AKNAD1: variants seen among roughly 807,000 people sequenced by gnomAD.
AKNAD1 encodes protein AKNAD1.
Under a neutral mutation model 90.8 loss-of-function variants are expected in AKNAD1, and 67 were observed. The observed-to-expected ratio is 0.74, with a 90% CI of 0.61 to 0.90. AKNAD1 has a LOEUF of 0.90. AKNAD1 is among the 40% of genes least tolerant of loss of function. The probability of loss-of-function intolerance (pLI) is 0.00; values close to 1 mark genes in which losing one functional copy is unlikely to be tolerated. For missense variants in AKNAD1, 957 were observed against 975.4 expected, an observed-to-expected ratio of 0.98 and a Z score of 0.25; for synonymous variants, 327 against 341.4, an observed-to-expected ratio of 0.96 and a Z score of 0.46.
chr1:108,848,240 G>T (rs1456471692), intron 5 of AKNAD1, among the ~76,000 whole-genome samples: 2 of 152,130 alleles, frequency 1.3e-5, no homozygotes, highest in African/African-American at 4.8e-5. Context: ...CATGATCCTG[G>T]CACTGACAAC....
At chr1:108,847,535 T>C (rs1481213010) in intron 5 of AKNAD1, among the ~76,000 whole-genome samples, 1 of 149,476 alleles carries the variant, frequency 6.7e-6, no homozygotes, top group African/African-American at 2.5e-5. Flanking sequence ...GAAGTACCCC[T>C]GTCCACCTCC....
At chr1:108,856,804 G>T (rs1202695884) in intron 1 of AKNAD1, 125 bp downstream of exon 1, 1 of 152,110 alleles carries the variant, frequency 6.6e-6, no homozygotes, top group Non-Finnish European at 1.5e-5. Context: ...ATACCATTAA[G>T]ATAAACCAGA....
In AKNAD1 at chr1:108,844,964, G is replaced by T. The variant is rs149208941; in HGVS notation, c.1246-1697C>A. ...CTTCCAAGTAGCTGAGATTACAGGT[G>T]TGCACCACCATGCCTGGCTAATTTT... On this transcript the variant is annotated intron_variant, in intron 5 of 15. Coordinates refer to ENST00000370001, the MANE Select transcript of AKNAD1 (RefSeq NM_152763.5). 4.0e-3 allele frequency among the ~76,000 whole-genome samples: 602 copies of T among 152,086 alleles called. 1 individual carries two copies. Among genetic ancestry groups the T allele is most frequent in the African/African-American group, 0.013 (552 of 41,472 alleles).
intron 7 of AKNAD1, among the ~76,000 whole-genome samples, chr1:108,835,816 G>C (rs1279743688): frequency 6.6e-6 from 1 of 151,876 alleles, no homozygotes; most frequent in Non-Finnish European, 1.5e-5. Flanking sequence ...AGTAGAAACG[G>C]GGTTTCACCA....
intron 2 of AKNAD1, among the ~76,000 whole-genome samples, chr1:108,850,409 G>A (rs1024581079): frequency 6.6e-6 from 1 of 152,098 alleles, no homozygotes; most frequent in Non-Finnish European, 1.5e-5. Flanking sequence ...TAACCACGGG[G>A]CACTGAGAAC....
At chr1:108,832,953 T>C (rs2101183274) in intron 9 of AKNAD1, among the ~76,000 whole-genome samples, 1 of 152,296 alleles carries the variant, frequency 6.6e-6, no homozygotes, top group South Asian at 2.1e-4. Context: ...ATTTGAACCA[T>C]TAACTGCAAT....
rs144674627 is a variant in AKNAD1 at position 108,823,510 on chromosome 1, G to A, written c.2060-33C>T. 1.6e-4 allele frequency: 253 copies of A among 1,610,146 alleles called. 1 individual carries two copies. The African/African-American group carries it at 3.0e-3, about 19-fold the overall frequency. On this transcript the variant is annotated intron_variant, in intron 12 of 15. Transcript: ENST00000370001. ...GAAAAGATTAAAAATACAGTTAATT[G>A]CCTGGGAACAGTGACTGTCCCCACT...
intron 13 of AKNAD1, 63 bp downstream of exon 13, chr1:108,823,307 A>C: frequency 7.7e-7 from 1 of 1,291,364 alleles, no homozygotes; most frequent in East Asian, 2.3e-5. Context: ...TGTCATGTGA[A>C]TGTCCCATAC....
At chr1:108,847,638 C>A (rs1401864536) in intron 5 of AKNAD1, among the ~76,000 whole-genome samples, 4 of 151,898 alleles carry the variant, frequency 2.6e-5, no homozygotes, top group Non-Finnish European at 5.9e-5. Flanking sequence ...GGCAGCACTT[C>A]CTCACCCCTG....
chr1:108,848,624 G>T, intron 5 of AKNAD1, 128 bp downstream of exon 5: 1 of 806,834 alleles, frequency 1.2e-6, no homozygotes. Context: ...AAACAAAGAT[G>T]GTTTAATCTT....
intron 11 of AKNAD1, 124 bp from the exon 12 acceptor site, chr1:108,823,812 C>T (rs1005224808): frequency 1.1e-4 from 164 of 1,454,512 alleles, no homozygotes; most frequent in Non-Finnish European, 1.5e-4. Flanking sequence ...CTTAATGTCC[C>T]GGCTGTGTCA....
intron 5 of AKNAD1, among the ~76,000 whole-genome samples, chr1:108,847,115 GC>G (rs1201960649): frequency 6.6e-6 from 1 of 152,036 alleles, no homozygotes; most frequent in Admixed American, 6.6e-5. Context: ...TGTGCCTTCA[GC>G]CTTGCCCCCA....
At chr1:108,832,389 A>G (rs188973189) in intron 9 of AKNAD1, among the ~76,000 whole-genome samples, 4 of 151,894 alleles carry the variant, frequency 2.6e-5, no homozygotes, top group Admixed American at 1.3e-4. Flanking sequence ...CCACCCAGCT[A>G]ATTTTGGTAT....
At chr1:108,853,659 C>T (rs1570833596) in intron 1 of AKNAD1, among the ~76,000 whole-genome samples, 1 of 151,888 alleles carries the variant, frequency 6.6e-6, no homozygotes, top group South Asian at 2.1e-4. Context: ...AGGGGCCGGG[C>T]ACGGTGCCTC....
rs555872248 is a variant in AKNAD1, at chr1:108,816,002, C to G, written c.*169G>C. On this transcript the variant is annotated 3_prime_UTR_variant, in exon 16 of 16. Coordinates refer to ENST00000370001, the MANE Select transcript of AKNAD1 (RefSeq NM_152763.5). ...TGATTTTAAGAATCAGAAGTCCTTT[C>G]TTTTTTCTTTTTCCTTTAAGTACTT... 3 of 521,370 alleles carry G rather than the reference C, an allele frequency of 5.8e-6. No individual in the cohort carries two copies. The African/African-American group carries it at 5.9e-5, about 10-fold the overall frequency. 32.3% of individuals were successfully genotyped at this position (521,370 alleles called of 1,614,324 possible). A position where few individuals can be genotyped will look rare whatever the true frequency, so the allele number is the denominator to read the frequency against.
chr1:108,816,421 T>C lies in AKNAD1; in HGVS notation c.2380-119A>G, dbSNP rs564554383. The C allele has an allele frequency of 3.6e-6, 4 of 1,123,976 alleles. No individual in the cohort carries two copies. In the East Asian group the frequency reaches 1.0e-4, roughly 29 times the overall value. The allele number at this position is 1,123,976 out of a possible 1,614,324, so 69.6% of individuals were successfully genotyped here. Reference sequence around the variant, plus strand: ...TTTGGGGAGTATTCCTGTTTTCCTCTTGGTCTATTTCTGTTTTTGAGGGTT... The same window carrying C: ...TTTGGGGAGTATTCCTGTTTTCCTCCTGGTCTATTTCTGTTTTTGAGGGTT... On this transcript the variant is annotated intron_variant, in intron 15 of 15. Coordinates refer to ENST00000370001, the MANE Select transcript of AKNAD1 (RefSeq NM_152763.5).
At chr1:108,837,835 TG>T in intron 6 of AKNAD1, 129 bp from the exon 7 acceptor site, 1 of 1,054,622 alleles carries the variant, frequency 9.5e-7, no homozygotes, top group Non-Finnish European at 1.4e-6. Flanking sequence ...CAAAGGATAA[TG>T]GGAGCCCGCA....
chr1:108,846,183 G>T (rs74418002), intron 5 of AKNAD1, among the ~76,000 whole-genome samples: 1,993 of 152,244 alleles, frequency 0.013, 36 homozygotes, highest in African/African-American at 0.046. Context: ...TGAGGCGGTT[G>T]CTTGTAGCCC....
intron 6 of AKNAD1, 43 bp downstream of exon 6, chr1:108,843,091 C>G: frequency 6.3e-7 from 1 of 1,597,548 alleles, no homozygotes; most frequent in Non-Finnish European, 8.5e-7. Context: ...TGAAGGAGAT[C>G]ACCTTTGACC....
Sources: gnomAD v4.1 joint callset for allele counts (sites outside exome capture counted in the v4.1 genomes callset) on GRCh38, gnomAD v4.1.1 for gene constraint, MANE v1.5 for transcripts, NCBI Gene and HGNC (gene_info 2026-07-23, HGNC 2026-07-21) for gene names.